Variants in WARS2 observed in about 807,000 individuals in gnomAD.
WARS2 encodes tryptophanyl tRNA synthetase 2, mitochondrial.
WARS2 carries 28 observed loss-of-function variants against 36.5 expected under a neutral mutation model. The ratio of observed to expected loss-of-function variants is 0.77; its 90% CI spans 0.57 to 1.05. The LOEUF (loss-of-function observed/expected upper bound fraction) is 1.05. Ranked by LOEUF, WARS2 falls within the 50% of genes least tolerant of loss-of-function variation. The probability of loss-of-function intolerance (pLI) is 0.00; values close to 1 mark genes in which losing one functional copy is unlikely to be tolerated. For missense variants in WARS2, 435 were observed against 456.8 expected (o/e 0.95, Z 0.44); for synonymous variants, 174 against 178.4 (o/e 0.98, Z 0.20).
chr1:119,117,956 C>T (rs1162414686), intron 1 of WARS2, among the ~76,000 whole-genome samples: 1 of 152,182 alleles, frequency 6.6e-6, no homozygotes. Context: ...TATCTTTCCA[C>T]TGAAACAGTC....
At chr1:119,078,937 C>T (rs1233565874) in intron 1 of WARS2, among the ~76,000 whole-genome samples, 1 of 131,086 alleles carries the variant, frequency 7.6e-6, no homozygotes, top group Non-Finnish European at 1.6e-5. Flanking sequence ...TGGATACATA[C>T]ATATAGCTAG....
At chr1:119,075,497 A>G (rs968639428) in intron 2 of WARS2, among the ~76,000 whole-genome samples, 2 of 152,200 alleles carry the variant, frequency 1.3e-5, no homozygotes, top group African/African-American at 4.8e-5. Flanking sequence ...CTCTGTAAGA[A>G]TCATTACATT....
At chr1:119,095,317 C>A (rs957370571) in intron 1 of WARS2, among the ~76,000 whole-genome samples, 4 of 152,196 alleles carry the variant, frequency 2.6e-5, no homozygotes, top group Non-Finnish European at 4.4e-5. Context: ...GTAGTTTAGT[C>A]TCTCAATATT....
Position 119,120,461 on chromosome 1 carries a change from T to C in WARS2, c.90+20094A>G, listed in dbSNP as rs111387272. Among the ~76,000 whole-genome samples, 877 of 152,172 alleles carry C rather than the reference T, an allele frequency of 5.8e-3. 12 individuals carry two copies. Among genetic ancestry groups the C allele is most frequent in the African/African-American group, 0.02 (834 of 41,550 alleles). ...AGGACCAGATGGATTCACAGCCGAA[T>C]TCTATCAGACATTCAAAGAAGAATT... On this transcript the variant is annotated intron_variant, in intron 1 of 5. Transcript: ENST00000235521.
intron 4 of WARS2, among the ~76,000 whole-genome samples, chr1:119,041,232 A>G (rs764367517): frequency 3.9e-5 from 6 of 152,240 alleles, no homozygotes; most frequent in Non-Finnish European, 7.3e-5. Flanking sequence ...ACACTGGTGC[A>G]GTGTCTTCTT....
At chr1:119,037,621 A>G (rs1647989712) in intron 4 of WARS2, among the ~76,000 whole-genome samples, 1 of 152,230 alleles carries the variant, frequency 6.6e-6, no homozygotes, top group Admixed American at 6.5e-5. Flanking sequence ...GTACTGTGAA[A>G]GATATAATGA....
At chr1:119,056,562 A>G (rs11484958) in intron 2 of WARS2, among the ~76,000 whole-genome samples, 5 of 148,236 alleles carry the variant, frequency 3.4e-5, no homozygotes, top group Middle Eastern at 3.6e-3. Flanking sequence ...AAATATATAT[A>G]TTATATATAG....
intron 1 of WARS2, among the ~76,000 whole-genome samples, chr1:119,134,994 C>T (rs1656385019): frequency 6.6e-6 from 1 of 151,946 alleles, no homozygotes; most frequent in Non-Finnish European, 1.5e-5. Context: ...TGTTTGGCAG[C>T]AGTAAGCTGT....
chr1:119,115,717 A>C (rs1654917006), intron 1 of WARS2, among the ~76,000 whole-genome samples: 1 of 152,188 alleles, frequency 6.6e-6, no homozygotes, highest in African/African-American at 2.4e-5. Flanking sequence ...CTAAACCATG[A>C]ATGTGGTAAT....
intron 1 of WARS2, among the ~76,000 whole-genome samples, chr1:119,094,725 C>T (rs1422449776): frequency 6.6e-6 from 1 of 152,028 alleles, no homozygotes; most frequent in African/African-American, 2.4e-5. Flanking sequence ...TAATATCAAT[C>T]CCAAATACAG....
chr1:119,117,713 G>A (rs1655064061), intron 1 of WARS2, among the ~76,000 whole-genome samples: 1 of 152,180 alleles, frequency 6.6e-6, no homozygotes, highest in South Asian at 2.1e-4. Context: ...CTCTACCAGA[G>A]CAGGTGCTGG....
At chr1:119,066,125 T>C (rs1650822917) in intron 2 of WARS2, among the ~76,000 whole-genome samples, 1 of 151,730 alleles carries the variant, frequency 6.6e-6, no homozygotes, top group Admixed American at 6.6e-5. Context: ...ATTGGCTATA[T>C]TAAAAAAAAA....
chr1:119,097,367 G>T (rs1479648216), intron 1 of WARS2, among the ~76,000 whole-genome samples: 6 of 152,010 alleles, frequency 3.9e-5, no homozygotes, highest in Non-Finnish European at 7.4e-5. Flanking sequence ...GGCACTACTG[G>T]GTTAATAAGA....
chr1:119,128,184 C>G (rs1343481538), intron 1 of WARS2, among the ~76,000 whole-genome samples: 2 of 152,080 alleles, frequency 1.3e-5, no homozygotes, highest in African/African-American at 4.8e-5. Flanking sequence ...AAGCTATTAT[C>G]CTACCTCAGC....
chr1:119,084,439 G>A (rs919735518), intron 1 of WARS2, among the ~76,000 whole-genome samples: 4 of 152,172 alleles, frequency 2.6e-5, no homozygotes, highest in Admixed American at 2.0e-4. Context: ...TTTATGTTAT[G>A]TGAATTTCAC....
chr1:119,065,023 C>T (rs1473771467), intron 2 of WARS2, among the ~76,000 whole-genome samples: 2 of 151,962 alleles, frequency 1.3e-5, no homozygotes, highest in African/African-American at 4.8e-5. Flanking sequence ...GAAAGCATTG[C>T]TATATTCTTT....
At chr1:119,067,127 C>G (rs1013117244) in intron 2 of WARS2, among the ~76,000 whole-genome samples, 4 of 129,052 alleles carry the variant, frequency 3.1e-5, no homozygotes, top group African/African-American at 1.2e-4. Flanking sequence ...TAACATTGTA[C>G]ACAAAAAATA....
intron 1 of WARS2, among the ~76,000 whole-genome samples, chr1:119,111,766 G>A (rs587655959): frequency 6.6e-6 from 1 of 152,220 alleles, no homozygotes; most frequent in Non-Finnish European, 1.5e-5. Flanking sequence ...TCGGTCACTG[G>A]TTCCTAGGGA....
intron 2 of WARS2, among the ~76,000 whole-genome samples, chr1:119,046,107 C>T (rs928380330): frequency 3.3e-5 from 5 of 151,972 alleles, no homozygotes; most frequent in South Asian, 4.1e-4. Context: ...AGCTATAGTA[C>T]TTTACATATA....
Sources: allele counts gnomAD v4.1 joint callset (sites outside exome capture counted in the v4.1 genomes callset), GRCh38; gene constraint gnomAD v4.1.1; transcripts MANE v1.5; gene names NCBI Gene and HGNC (gene_info 2026-07-23, HGNC 2026-07-21).